The following DPP10 variants were observed in gnomAD, a reference collection of about 807,000 sequenced individuals.
DPP10 encodes inactive dipeptidyl peptidase 10.
A neutral mutation model predicts 120.9 loss-of-function variants in DPP10; 33 were observed. The ratio of observed to expected loss-of-function variants is 0.27; its 90% CI spans 0.21 to 0.37. DPP10 has a LOEUF of 0.37. DPP10 is among the 10% of genes least tolerant of loss of function. The probability of loss-of-function intolerance (pLI) is 1.00; values close to 1 mark genes in which losing one functional copy is unlikely to be tolerated. For missense variants in DPP10, 816 were observed against 942.8 expected, an observed-to-expected ratio of 0.87 and a Z score of 1.76; for synonymous variants, 337 against 326.1, an observed-to-expected ratio of 1.03 and a Z score of -0.36.
intron 1 of DPP10, among the ~76,000 whole-genome samples, chr2:115,038,576 C>A (rs1185328595): frequency 6.6e-6 from 1 of 152,128 alleles, no homozygotes; most frequent in African/African-American, 2.4e-5. Context: ...TGCACCCAGC[C>A]TCAGCACATA....
At position 115,672,666 on chromosome 2, in the gene DPP10, T is replaced by TTCTCTCTCTCTCTC. The variant is rs1178410248; in HGVS notation, c.442-17014_442-17013insCTCTCTCTCTCTCT. Among the ~76,000 whole-genome samples the TTCTCTCTCTCTCTC allele has an allele frequency of 1.3e-3, 171 of 130,118 alleles. 2 individuals carry two copies. The highest frequency in any genetic ancestry group is 5.3e-3 in the African/African-American group (167 of 31,348). 85.4% of individuals were successfully genotyped at this position (130,118 alleles called of 152,430 possible). ...TTTCTCTCTCTCTTTCTTTCTTTCTTTCTCTCTTTCTTTCTCTTTCTTTCT... is the reference window on the plus strand; with the variant it reads ...TTTCTCTCTCTCTTTCTTTCTTTCTTTCTCTCTCTCTCTCTCTCTCTTTCTTTCTCTTTCTTTCT... On this transcript the variant is annotated intron_variant, in intron 5 of 25. Coordinates refer to ENST00000410059, the MANE Select transcript of DPP10 (RefSeq NM_020868.6).
Position 114,877,743 on chromosome 2 carries a change from G to A in DPP10, c.61-431496G>A, listed in dbSNP as rs187309159. ...TAAATCTAGTGTGGCATCTTTGAGT[G>A]TGGGTGGGACCCTGTGGAGTCATGA... On this transcript the variant is annotated intron_variant, in intron 1 of 25. Transcript: ENST00000410059. Among the ~76,000 whole-genome samples, 439 of 152,088 alleles carry A rather than the reference G, an allele frequency of 2.9e-3. 1 individual carries two copies. The highest frequency in any genetic ancestry group is 0.01 in the African/African-American group (428 of 41,494).
intron 4 of DPP10, among the ~76,000 whole-genome samples, chr2:115,518,024 G>A (rs536595902): frequency 6.6e-6 from 1 of 152,194 alleles, no homozygotes; most frequent in Non-Finnish European, 1.5e-5. Flanking sequence ...AGATAACATG[G>A]TGAGAAAGGA....
chr2:115,281,019 C>A (rs1280935510), intron 1 of DPP10, among the ~76,000 whole-genome samples: 1 of 152,094 alleles, frequency 6.6e-6, no homozygotes, highest in East Asian at 1.9e-4. Context: ...ACTGTCTTTT[C>A]CATTTTTATG....
At chr2:115,145,268 GT>G (rs2051159747) in intron 1 of DPP10, among the ~76,000 whole-genome samples, 1 of 152,080 alleles carries the variant, frequency 6.6e-6, no homozygotes, top group Admixed American at 6.6e-5. Flanking sequence ...ATAGTTTCCT[GT>G]TCCTAAAAGT....
At chr2:114,509,917 G>T (rs550914437) in intron 1 of DPP10, among the ~76,000 whole-genome samples, 2 of 152,256 alleles carry the variant, frequency 1.3e-5, no homozygotes, top group South Asian at 2.1e-4. Flanking sequence ...CATTCATTTT[G>T]TGGAGGAAAC....
At chr2:115,089,790 G>C (rs1432523076) in intron 1 of DPP10, among the ~76,000 whole-genome samples, 1 of 152,142 alleles carries the variant, frequency 6.6e-6, no homozygotes, top group Non-Finnish European at 1.5e-5. Context: ...CAGAAACAAG[G>C]GCTGATCCAT....
In DPP10 at chr2:115,494,150, G is replaced by C. The variant is rs2148759113; in HGVS notation, c.272-5360G>C. The stretch of plus-strand genomic sequence containing the variant: ...AGTAGAGACGGGGTTTCACCATGTT[G>C]GTCAGGCTGGTCTCATTCTGTTGAC... On this transcript the variant is annotated intron_variant, in intron 3 of 25. Coordinates refer to ENST00000410059, the MANE Select transcript of DPP10 (RefSeq NM_020868.6). Among the ~76,000 whole-genome samples the C allele has an allele frequency of 1.3e-5, 2 of 152,086 alleles. 1 individual carries two copies.
chr2:115,769,548 C>T (rs540524361), intron 13 of DPP10, among the ~76,000 whole-genome samples: 12 of 151,974 alleles, frequency 7.9e-5, no homozygotes, highest in African/African-American at 2.6e-4. Flanking sequence ...ACAATTTCCA[C>T]AGTACAGATG....
chr2:115,777,339 G>GT (rs1559141344), intron 14 of DPP10, 40 bp downstream of exon 14: 1 of 1,527,780 alleles, frequency 6.5e-7, no homozygotes, highest in South Asian at 1.1e-5. Flanking sequence ...GCAAGTTAGC[G>GT]TTGTCAAATG....
intron 1 of DPP10, among the ~76,000 whole-genome samples, chr2:114,907,383 A>C (rs547604501): frequency 1.3e-5 from 2 of 152,194 alleles, no homozygotes; most frequent in South Asian, 4.1e-4. Flanking sequence ...CTTAGCAAGA[A>C]AAATAACGCT....
At chr2:115,742,269 G>A (rs1470050571) in intron 9 of DPP10, among the ~76,000 whole-genome samples, 2 of 152,060 alleles carry the variant, frequency 1.3e-5, no homozygotes, top group East Asian at 3.8e-4. Flanking sequence ...TCAACAATTT[G>A]TATTTCCAAA....
At chr2:115,148,367 A>C (rs936916030) in intron 1 of DPP10, among the ~76,000 whole-genome samples, 5 of 152,182 alleles carry the variant, frequency 3.3e-5, no homozygotes, top group Non-Finnish European at 7.3e-5. Context: ...TGAGGATCTC[A>C]GTGACATAAA....
chr2:115,341,341 A>C (rs931400593), intron 2 of DPP10, among the ~76,000 whole-genome samples: 4 of 151,958 alleles, frequency 2.6e-5, no homozygotes, highest in Admixed American at 6.6e-5. Flanking sequence ...GGAATTTCCC[A>C]TATTCTCTTC....
intron 3 of DPP10, among the ~76,000 whole-genome samples, chr2:115,394,130 C>T (rs1361216485): frequency 1.3e-5 from 2 of 152,084 alleles, no homozygotes; most frequent in Non-Finnish European, 2.9e-5. Flanking sequence ...ATTCTAAAAA[C>T]TAGGAGGATA....
intron 21 of DPP10, among the ~76,000 whole-genome samples, chr2:115,821,323 A>C (rs1225960144): frequency 6.6e-6 from 1 of 152,080 alleles, no homozygotes; most frequent in Admixed American, 6.6e-5. Context: ...GGATAAATTT[A>C]ATCTTTTGTT....
intron 1 of DPP10, among the ~76,000 whole-genome samples, chr2:115,037,434 T>G (rs1387578269): frequency 1.3e-5 from 2 of 152,348 alleles, no homozygotes; most frequent in East Asian, 1.9e-4. Context: ...TTTTTTCTTC[T>G]ATTTACAAAA....
intron 3 of DPP10, among the ~76,000 whole-genome samples, chr2:115,433,144 T>TA (rs2104792604): frequency 6.6e-6 from 1 of 152,178 alleles, no homozygotes; most frequent in African/African-American, 2.4e-5. Flanking sequence ...TCAGTCTGTG[T>TA]ATTTTTTTTA....
At chr2:114,479,191 C>A (rs1181145016) in intron 1 of DPP10, among the ~76,000 whole-genome samples, 2 of 152,042 alleles carry the variant, frequency 1.3e-5, no homozygotes, top group Non-Finnish European at 2.9e-5. Flanking sequence ...GGGAAGATGT[C>A]AATTATTCCC....
Sources: allele counts gnomAD v4.1 joint callset (sites outside exome capture counted in the v4.1 genomes callset), GRCh38; gene constraint gnomAD v4.1.1; transcripts MANE v1.5; gene names NCBI Gene and HGNC (gene_info 2026-07-23, HGNC 2026-07-21).